FBXO10: variants seen among roughly 807,000 people sequenced by gnomAD.
FBXO10 encodes F-box protein 10.
In FBXO10, 39 loss-of-function variants were observed where a neutral mutation model predicts 80.7. That is an observed-to-expected ratio of 0.48 (90% confidence interval 0.37 to 0.63). FBXO10 has a LOEUF of 0.63. FBXO10 is among the 30% of genes least tolerant of loss of function. The pLI is 0.00. For synonymous variants in FBXO10, 449 were observed against 489.6 expected, an observed-to-expected ratio of 0.92 and a Z score of 1.09; for missense variants, 1,025 against 1,269.0, an observed-to-expected ratio of 0.81 and a Z score of 2.92.
At chr9:37,517,385 G>C (rs1024738790) in intron 9 of FBXO10, among the ~76,000 whole-genome samples, 5 of 152,084 alleles carry the variant, frequency 3.3e-5, no homozygotes, top group Non-Finnish European at 7.3e-5. Flanking sequence ...AGAGCCCTTG[G>C]GATCGTAATT....
chr9:37,518,861 C>G (rs927300718), intron 8 of FBXO10, among the ~76,000 whole-genome samples: 1 of 152,094 alleles, frequency 6.6e-6, no homozygotes, highest in African/African-American at 2.4e-5. Context: ...TTGCTTTGCT[C>G]TCCTTCCTAC....
intron 1 of FBXO10, among the ~76,000 whole-genome samples, chr9:37,559,169 C>T (rs1208849608): frequency 2.0e-5 from 3 of 152,194 alleles, no homozygotes; most frequent in African/African-American, 7.2e-5. Context: ...ATTCTTTAAT[C>T]GTGGCTCTTC....
chr9:37,561,666 A>C (rs758021990), intron 1 of FBXO10, among the ~76,000 whole-genome samples: 4 of 152,196 alleles, frequency 2.6e-5, no homozygotes, highest in Non-Finnish European at 5.9e-5. Flanking sequence ...TTATTCAACA[A>C]ACATTCGTTG....
intron 10 of FBXO10, among the ~76,000 whole-genome samples, chr9:37,514,373 A>C (rs1316476625): frequency 6.6e-6 from 1 of 152,130 alleles, no homozygotes; most frequent in Non-Finnish European, 1.5e-5. Flanking sequence ...GGGTCTCCAA[A>C]GGGAAGGAGG....
Position 37,512,423 on chromosome 9 carries a change from T to G in FBXO10, c.*124A>C. 1 of 1,023,748 alleles carries G rather than the reference T, an allele frequency of 9.8e-7. No homozygotes were observed. Among genetic ancestry groups the G allele is most frequent in the African/African-American group, 1.6e-5 (1 of 62,456 alleles). The allele number at this position is 1,023,748 out of a possible 1,614,324, so 63.4% of individuals were successfully genotyped here. On this transcript the variant is annotated 3_prime_UTR_variant, in exon 11 of 11. Transcript: ENST00000432825. ...CTGAAGTGTTCTGGAGGTACCGTGT[T>G]TTGGAGGCCCGGGACCCATTTGTTC...
chr9:37,527,951 A>G (rs1490777945), intron 5 of FBXO10, among the ~76,000 whole-genome samples: 2 of 152,240 alleles, frequency 1.3e-5, no homozygotes, highest in East Asian at 3.8e-4. Flanking sequence ...TTCAAAAATT[A>G]TGGCATATCG....
chr9:37,529,341 C>A, intron 4 of FBXO10, 81 bp from the exon 5 acceptor site: 1 of 1,464,856 alleles, frequency 6.8e-7, no homozygotes, highest in African/African-American at 1.4e-5. Flanking sequence ...CCCACACCTC[C>A]GCGGCAGGAT....
In FBXO10 at chr9:37,515,893, C is replaced by T. The variant is rs778384809; in HGVS notation, c.2696+11G>A. The T allele has an allele frequency of 3.7e-6, 6 of 1,612,318 alleles. No individual in the cohort carries two copies. Among genetic ancestry groups the T allele is most frequent in the Non-Finnish European group, 5.1e-6 (6 of 1,178,964 alleles). ...TCTAGAGGACTCGTTCAGGCAACCCCAAGCACTCACTTTTTCTTGAAGACC... is the reference window on the plus strand; with the variant it reads ...TCTAGAGGACTCGTTCAGGCAACCCTAAGCACTCACTTTTTCTTGAAGACC... On this transcript the variant is annotated intron_variant, in intron 10 of 10. Coordinates refer to ENST00000432825, the MANE Select transcript of FBXO10 (RefSeq NM_012166.3).
chr9:37,518,224 G>A lies in FBXO10; in HGVS notation c.2415C>T (p.His805=), dbSNP rs370012357. 47 of 1,613,924 alleles carry A rather than the reference G, an allele frequency of 2.9e-5. No homozygotes were observed. Among genetic ancestry groups the A allele is most frequent in the Non-Finnish European group, 3.7e-5 (44 of 1,179,900 alleles). The change falls in exon 9 of 11, where the codon CAC becomes CAT. Residue 805 remains histidine, a synonymous_variant. Transcript: ENST00000432825. The part of the protein sequence containing the change: ...RGNGIYDNRG[H]GIITKGDSTI... Reference sequence around the variant, plus strand: ...TGCTGTCGCCCTTGGTGATAATGCCGTGGCCTCTGTTGTCATAGATACCAT... The same window carrying A: ...TGCTGTCGCCCTTGGTGATAATGCCATGGCCTCTGTTGTCATAGATACCAT...
chr9:37,520,553 C>T (rs1394967624), intron 8 of FBXO10, among the ~76,000 whole-genome samples: 1 of 124,366 alleles, frequency 8.0e-6, no homozygotes, highest in African/African-American at 3.0e-5. Context: ...TTGTAGAAAC[C>T]AAGTCTTGTT....
At chr9:37,559,089 A>C (rs1355142036) in intron 1 of FBXO10, among the ~76,000 whole-genome samples, 2 of 152,188 alleles carry the variant, frequency 1.3e-5, no homozygotes, top group Admixed American at 1.3e-4. Context: ...GATTACAGGC[A>C]TGAGCCACCG....
chr9:37,530,261 T>C (rs1216801390), intron 4 of FBXO10, among the ~76,000 whole-genome samples: 1 of 152,246 alleles, frequency 6.6e-6, no homozygotes. Context: ...CTTTAAAGTG[T>C]TTCGTGTGCA....
chr9:37,575,789 TA>T lies in FBXO10; in HGVS notation c.-7+421del, dbSNP rs1305675140. 5 of 152,294 alleles carry T rather than the reference TA, an allele frequency of 3.3e-5. No individual in the cohort carries two copies. The East Asian group carries it at 9.6e-4, about 29-fold the overall frequency. 9.4% of individuals were successfully genotyped at this position (152,294 alleles called of 1,614,324 possible). ...CCATATTTGCCCCTTGAGATTTGCATAAAATACACAGTGGGTGCCCAGCCCC... is the reference window on the plus strand; with the variant it reads ...CCATATTTGCCCCTTGAGATTTGCATAAATACACAGTGGGTGCCCAGCCCC... On this transcript the variant is annotated intron_variant, in intron 1 of 10. Coordinates refer to ENST00000432825, the MANE Select transcript of FBXO10 (RefSeq NM_012166.3).
At chr9:37,545,671 G>A (rs1822038506) in intron 1 of FBXO10, among the ~76,000 whole-genome samples, 1 of 152,170 alleles carries the variant, frequency 6.6e-6, no homozygotes, top group South Asian at 2.1e-4. Flanking sequence ...CTACCTGGAT[G>A]TTCCATAGAT....
chr9:37,521,112 T>C (rs1821332999), intron 8 of FBXO10, among the ~76,000 whole-genome samples: 1 of 152,108 alleles, frequency 6.6e-6, no homozygotes, highest in Non-Finnish European at 1.5e-5. Flanking sequence ...AAAGAATGGA[T>C]TCAAGTTTAA....
chr9:37,531,776 G>A (rs188203080), intron 4 of FBXO10, 133 bp downstream of exon 4: 35 of 844,794 alleles, frequency 4.1e-5, no homozygotes, highest in Admixed American at 7.4e-5. Context: ...ACAAGGACAC[G>A]CAGAGGACAG....
At chr9:37,544,886 C>T (rs1031951519) in intron 1 of FBXO10, among the ~76,000 whole-genome samples, 5 of 147,854 alleles carry the variant, frequency 3.4e-5, no homozygotes, top group East Asian at 2.1e-4. Context: ...CCCAGCTACT[C>T]GGGAGGCTGA....
intron 10 of FBXO10, among the ~76,000 whole-genome samples, chr9:37,514,019 G>GC (rs1734245980): frequency 6.6e-6 from 1 of 152,166 alleles, no homozygotes; most frequent in South Asian, 2.1e-4. Flanking sequence ...GTGAAGCTGT[G>GC]GTCAGAGTTT....
At chr9:37,521,347 T>C (rs1309098461) in intron 8 of FBXO10, among the ~76,000 whole-genome samples, 1 of 149,930 alleles carries the variant, frequency 6.7e-6, no homozygotes, top group African/African-American at 2.5e-5. Context: ...GCCCCCACAC[T>C]GTCTGGGAAG....
Sources: allele counts gnomAD v4.1 joint callset (sites outside exome capture counted in the v4.1 genomes callset), GRCh38; gene constraint gnomAD v4.1.1; transcripts MANE v1.5; gene names NCBI Gene and HGNC (gene_info 2026-07-23, HGNC 2026-07-21).